Variants in IMMP1L observed in about 807,000 individuals in gnomAD.
IMMP1L encodes mitochondrial inner membrane protease subunit 1.
A neutral mutation model predicts 21.8 loss-of-function variants in IMMP1L; 24 were observed. The observed-to-expected ratio is 1.10, with a 90% confidence interval of 0.80 to 1.55. The LOEUF (loss-of-function observed/expected upper bound fraction) is 1.55, where lower values mean the gene tolerates loss of function less well. Ranked by LOEUF, IMMP1L falls within the 40% of genes most tolerant of loss-of-function variation. IMMP1L has a pLI of 0.00. For missense variants in IMMP1L, 195 were observed against 200.7 expected, an observed-to-expected ratio of 0.97 and a Z score of 0.17; for synonymous variants, 46 against 62.8, an observed-to-expected ratio of 0.73 and a Z score of 1.26.
intron 1 of IMMP1L, among the ~76,000 whole-genome samples, chr11:31,476,000 C>T (rs1438224677): frequency 6.6e-6 from 1 of 152,070 alleles, no homozygotes; most frequent in Non-Finnish European, 1.5e-5. Flanking sequence ...TGCAAAACTA[C>T]TTTTAAAAAT....
chr11:31,467,286 C>A (rs1322337766), intron 1 of IMMP1L, among the ~76,000 whole-genome samples: 1 of 152,084 alleles, frequency 6.6e-6, no homozygotes, highest in Non-Finnish European at 1.5e-5. Context: ...AAAAAAATGT[C>A]ATCCTAGCTC....
chr11:31,455,094 A>G (rs1277579110), intron 4 of IMMP1L, among the ~76,000 whole-genome samples: 1 of 152,218 alleles, frequency 6.6e-6, no homozygotes, highest in Non-Finnish European at 1.5e-5. Context: ...AATAAATATC[A>G]AAAACACTTG....
At chr11:31,489,494 T>C (rs779519117) in intron 1 of IMMP1L, among the ~76,000 whole-genome samples, 1 of 152,208 alleles carries the variant, frequency 6.6e-6, no homozygotes, top group Non-Finnish European at 1.5e-5. Flanking sequence ...CTCTAATAAT[T>C]ACCATCAATT....
chr11:31,452,353 G>A, intron 4 of IMMP1L: 1 of 985,032 alleles, frequency 1.0e-6, no homozygotes, highest in East Asian at 1.1e-4. Flanking sequence ...TCTTTTAATT[G>A]GCTTTATAAC....
At chr11:31,505,546 A>G (rs1437006950) in intron 1 of IMMP1L, among the ~76,000 whole-genome samples, 2 of 152,256 alleles carry the variant, frequency 1.3e-5, no homozygotes, top group African/African-American at 4.8e-5. Flanking sequence ...ATTATAACAC[A>G]GATACTAAAA....
intron 1 of IMMP1L, among the ~76,000 whole-genome samples, chr11:31,509,127 T>C (rs1326432560): frequency 6.6e-6 from 1 of 152,226 alleles, no homozygotes; most frequent in Non-Finnish European, 1.5e-5. Context: ...TCGGAACTTG[T>C]CAGAGAGCTA....
intron 1 of IMMP1L, among the ~76,000 whole-genome samples, chr11:31,465,369 C>G (rs923620716): frequency 6.6e-6 from 1 of 152,038 alleles, no homozygotes; most frequent in Non-Finnish European, 1.5e-5. Context: ...TTCAAATGAC[C>G]ATACTACCCA....
chr11:31,435,556 T>C (rs905487339), intron 4 of IMMP1L, among the ~76,000 whole-genome samples: 3 of 152,220 alleles, frequency 2.0e-5, no homozygotes, highest in African/African-American at 7.2e-5. Flanking sequence ...ACCAATCTAA[T>C]AGATTTTTGC....
intron 1 of IMMP1L, among the ~76,000 whole-genome samples, chr11:31,479,493 AG>A (rs1472895409): frequency 6.6e-6 from 1 of 152,068 alleles, no homozygotes; most frequent in African/African-American, 2.4e-5. Context: ...AAATGTAAAA[AG>A]TACATATTTT....
intron 1 of IMMP1L, among the ~76,000 whole-genome samples, chr11:31,507,278 T>A (rs1955807165): frequency 6.8e-6 from 1 of 147,922 alleles, no homozygotes; most frequent in African/African-American, 2.6e-5. Flanking sequence ...AGACTCCGTC[T>A]CAGAAAAAAA....
At chr11:31,476,996 G>A (rs1326826224) in intron 1 of IMMP1L, 1 of 152,058 alleles carries the variant, frequency 6.6e-6, no homozygotes, top group Non-Finnish European at 1.5e-5. Context: ...AAGTCATTCA[G>A]TATTCCTATT....
chr11:31,461,066 G>A (rs1421367403), intron 2 of IMMP1L, among the ~76,000 whole-genome samples: 2 of 152,052 alleles, frequency 1.3e-5, no homozygotes, highest in Non-Finnish European at 2.9e-5. Flanking sequence ...ACAATGTTTG[G>A]TACAAAATTG....
intron 1 of IMMP1L, 53 bp from the exon 2 acceptor site, chr11:31,463,358 A>G: frequency 7.0e-7 from 1 of 1,430,802 alleles, no homozygotes; most frequent in Non-Finnish European, 9.2e-7. Context: ...AAAACACTTA[A>G]GAAATAACTA....
At chr11:31,480,382 C>T (rs982111710) in intron 1 of IMMP1L, among the ~76,000 whole-genome samples, 8 of 151,858 alleles carry the variant, frequency 5.3e-5, no homozygotes, top group African/African-American at 1.9e-4. Flanking sequence ...TAATAAAAAG[C>T]ATTTATAGAA....
At chr11:31,444,628 T>G (rs944769514) in intron 4 of IMMP1L, among the ~76,000 whole-genome samples, 6 of 150,910 alleles carry the variant, frequency 4.0e-5, no homozygotes, top group Non-Finnish European at 8.9e-5. Flanking sequence ...CTTGCTCTGT[T>G]GCCCAGGCTG....
intron 4 of IMMP1L, among the ~76,000 whole-genome samples, chr11:31,455,800 G>C (rs1258284893): frequency 6.6e-6 from 1 of 152,136 alleles, no homozygotes; most frequent in African/African-American, 2.4e-5. Flanking sequence ...GATTGAGGTT[G>C]TAACTTTTTT....
intron 1 of IMMP1L, among the ~76,000 whole-genome samples, chr11:31,508,583 T>C (rs1157388307): frequency 1.3e-5 from 2 of 152,180 alleles, no homozygotes; most frequent in Non-Finnish European, 2.9e-5. Context: ...TAATTTCAAT[T>C]TATCAAACAG....
rs535830437 is a variant in IMMP1L, at chr11:31,493,081, A to G, written c.-30+16438T>C. On this transcript the variant is annotated intron_variant, in intron 1 of 5. Transcript: ENST00000532287. The stretch of plus-strand genomic sequence containing the variant: ...TCAAAGCTCGATACAGGGAAGCACA[A>G]ATAAGATGATGCATGCCTGTAGTTT... Among the ~76,000 whole-genome samples, 5 of 152,324 alleles carry G rather than the reference A, an allele frequency of 3.3e-5. No homozygotes were observed. In the East Asian group the frequency reaches 9.6e-4, roughly 29 times the overall value.
At chr11:31,475,514 C>T (rs372906290) in intron 1 of IMMP1L, among the ~76,000 whole-genome samples, 3 of 152,138 alleles carry the variant, frequency 2.0e-5, no homozygotes, top group Admixed American at 6.5e-5. Context: ...GGACCAGGGA[C>T]GGGTGCCACC....
Sources: gnomAD v4.1 joint callset for allele counts (sites outside exome capture counted in the v4.1 genomes callset) on GRCh38, gnomAD v4.1.1 for gene constraint, MANE v1.5 for transcripts, NCBI Gene and HGNC (gene_info 2026-07-23, HGNC 2026-07-21) for gene names.